The following GYPE variants were observed in gnomAD, a reference collection of about 807,000 sequenced individuals.
The protein encoded by GYPE is glycophorin E (MNS blood group).
A neutral mutation model predicts 11.6 loss-of-function variants in GYPE; 8 were observed. The observed-to-expected ratio is 0.69, with a 90% CI of 0.41 to 1.25. The LOEUF (loss-of-function observed/expected upper bound fraction) is 1.25. GYPE is among the 50% of genes most tolerant of loss of function. The probability of loss-of-function intolerance (pLI) is 0.01; values close to 1 mark genes in which losing one functional copy is unlikely to be tolerated. For missense variants in GYPE, 90 were observed against 92.8 expected (o/e 0.97, Z 0.12); for synonymous variants, 28 against 29.6 (o/e 0.94, Z 0.18).
intron 1 of GYPE, among the ~76,000 whole-genome samples, chr4:143,901,434 A>T (rs996306887): frequency 6.7e-6 from 1 of 150,282 alleles, no homozygotes; most frequent in Admixed American, 6.7e-5. Flanking sequence ...AAAAAAAAAT[A>T]AAATCTTACA....
At chr4:143,888,757 AG>A (rs1472019151) in intron 1 of GYPE, among the ~76,000 whole-genome samples, 2 of 142,230 alleles carry the variant, frequency 1.4e-5, no homozygotes, top group Non-Finnish European at 3.0e-5. Context: ...CTTGAACCAA[AG>A]GATTGGCACG....
At chr4:143,899,587 G>C (rs370455594) in intron 1 of GYPE, among the ~76,000 whole-genome samples, 47 of 152,000 alleles carry the variant, frequency 3.1e-4, no homozygotes, top group African/African-American at 1.1e-3. Flanking sequence ...CCAAGTAACA[G>C]CAATAAAATC....
chr4:143,876,893 C>A, intron 2 of GYPE, 38 bp from the exon 3 acceptor site: 1 of 1,180,542 alleles, frequency 8.5e-7, no homozygotes, highest in South Asian at 1.2e-5. Context: ...TTATGAAAGT[C>A]TGAAATAAAT....
At position 143,878,933 on chromosome 4, in the gene GYPE, G is replaced by A. The variant is rs201902156; in HGVS notation, c.136+1478C>T. Among the ~76,000 whole-genome samples the A allele has an allele frequency of 2.0e-3, 309 of 152,236 alleles. 3 individuals are homozygous for A. Among genetic ancestry groups the A allele is most frequent in the Non-Finnish European group, 3.5e-3 (241 of 68,026 alleles). On this transcript the variant is annotated intron_variant, in intron 2 of 3. Transcript: ENST00000358615. Reference sequence around the variant, plus strand: ...AAGCAAATTGTCTTATAACTGAGGGGAAAGGAATGAGAAAGTATTGGAAGA... The same window carrying A: ...AAGCAAATTGTCTTATAACTGAGGGAAAAGGAATGAGAAAGTATTGGAAGA...
At chr4:143,888,591 T>A (rs969797597) in intron 1 of GYPE, among the ~76,000 whole-genome samples, 6 of 150,140 alleles carry the variant, frequency 4.0e-5, no homozygotes, top group Non-Finnish European at 8.9e-5. Flanking sequence ...GGACAAAAAC[T>A]CATATCCATT....
At chr4:143,880,356 T>C (rs1743975008) in intron 2 of GYPE, 55 bp downstream of exon 2, 1 of 1,612,336 alleles carries the variant, frequency 6.2e-7, no homozygotes, top group Non-Finnish European at 8.5e-7. Flanking sequence ...AAAATAGGGT[T>C]GCATCACAAA....
At chr4:143,880,548 G>A (rs1194379396) in intron 1 of GYPE, 39 bp from the exon 2 acceptor site, 1 of 1,613,284 alleles carries the variant, frequency 6.2e-7, no homozygotes, top group Middle Eastern at 1.7e-4. Context: ...TTAAGAACGA[G>A]GTGACTGAGC....
At chr4:143,904,577 A>G (rs1744988860) in intron 1 of GYPE, among the ~76,000 whole-genome samples, 1 of 152,114 alleles carries the variant, frequency 6.6e-6, no homozygotes, top group African/African-American at 2.4e-5. Flanking sequence ...TCTTCCCTGT[A>G]TGCTACAGAG....
chr4:143,872,475 A>C (rs1294434191), intron 3 of GYPE, among the ~76,000 whole-genome samples: 3 of 152,082 alleles, frequency 2.0e-5, no homozygotes, highest in South Asian at 2.1e-4. Context: ...CAGTTATACA[A>C]ATAAAGAGGC....
chr4:143,893,985 A>G (rs1228162173), intron 1 of GYPE, among the ~76,000 whole-genome samples: 2 of 151,964 alleles, frequency 1.3e-5, no homozygotes, highest in Non-Finnish European at 2.9e-5. Flanking sequence ...CATATCCCAT[A>G]TTTCTTGGAG....
intron 3 of GYPE, chr4:143,875,247 C>T (rs1743751219): frequency 4.0e-6 from 2 of 494,340 alleles, no homozygotes; most frequent in Admixed American, 3.3e-5. Flanking sequence ...CTCATCTATC[C>T]TACTGTAATG....
At chr4:143,875,982 A>T (rs917633965) in intron 3 of GYPE, among the ~76,000 whole-genome samples, 40 of 152,210 alleles carry the variant, frequency 2.6e-4, no homozygotes, top group African/African-American at 6.3e-4. Flanking sequence ...TCTAAAAAAA[A>T]AAAAATAAAA....
At chr4:143,876,049 T>A (rs1743795378) in intron 3 of GYPE, among the ~76,000 whole-genome samples, 1 of 152,056 alleles carries the variant, frequency 6.6e-6, no homozygotes, top group African/African-American at 2.4e-5. Context: ...GGTGGAAATT[T>A]GAAAAATCTG....
chr4:143,897,312 C>CA (rs956157816), intron 1 of GYPE, among the ~76,000 whole-genome samples: 1 of 151,388 alleles, frequency 6.6e-6, no homozygotes, highest in Non-Finnish European at 1.5e-5. Context: ...AATTAAATAA[C>CA]AAAAAAATTA....
chr4:143,900,239 T>C (rs1382995698), intron 1 of GYPE, among the ~76,000 whole-genome samples: 2 of 129,886 alleles, frequency 1.5e-5, no homozygotes, highest in East Asian at 4.9e-4. Context: ...GAAACCACAG[T>C]GAAAAACCAT....
At chr4:143,881,293 A>G (rs1744014180) in intron 1 of GYPE, among the ~76,000 whole-genome samples, 1 of 152,026 alleles carries the variant, frequency 6.6e-6, no homozygotes, top group South Asian at 2.1e-4. Flanking sequence ...TTCTGTAATT[A>G]AACACTTTTT....
chr4:143,882,669 A>G (rs1437245195), intron 1 of GYPE, among the ~76,000 whole-genome samples: 1 of 152,200 alleles, frequency 6.6e-6, no homozygotes, highest in Non-Finnish European at 1.5e-5. Context: ...TGGAGCTCTC[A>G]TCCTTCACTC....
Position 143,872,175 on chromosome 4 carries a change from T to G in GYPE, c.*87A>C, listed in dbSNP as rs1743640823. 1 of 152,500 alleles carries G rather than the reference T, an allele frequency of 6.6e-6. No homozygotes were observed. The highest frequency in any genetic ancestry group is 2.4e-5 in the African/African-American group (1 of 41,406). 9.4% of individuals were successfully genotyped at this position (152,500 alleles called of 1,614,324 possible). A position where few individuals can be genotyped will look rare whatever the true frequency, so the allele number is the denominator to read the frequency against. On this transcript the variant is annotated 3_prime_UTR_variant, in exon 4 of 4. Coordinates refer to ENST00000358615, the MANE Select transcript of GYPE (RefSeq NM_198682.3). ...TAGCTACAGCCGTCAGGCACACAATTACACCATGAACAGTGAAGTAAAAAA... is the reference window on the plus strand; with the variant it reads ...TAGCTACAGCCGTCAGGCACACAATGACACCATGAACAGTGAAGTAAAAAA...
chr4:143,893,407 G>T (rs1325242476), intron 1 of GYPE, among the ~76,000 whole-genome samples: 2 of 149,410 alleles, frequency 1.3e-5, no homozygotes, highest in Non-Finnish European at 3.0e-5. Context: ...TCCTAATCTC[G>T]ATGGTCCTTA....
Sources: allele counts gnomAD v4.1 joint callset (sites outside exome capture counted in the v4.1 genomes callset), GRCh38; gene constraint gnomAD v4.1.1; transcripts MANE v1.5; gene names NCBI Gene and HGNC (gene_info 2026-07-23, HGNC 2026-07-21).